Variants in UBR4 observed in about 807,000 individuals in gnomAD.
The protein encoded by UBR4 is ubiquitin protein ligase E3 component n-recognin 4.
Under a neutral mutation model 575.6 loss-of-function variants are expected in UBR4, and 124 were observed. That is an observed-to-expected ratio of 0.22 (90% CI 0.19 to 0.25). UBR4 has a LOEUF of 0.25. Among genes scored for constraint, UBR4 ranks in the 10% least tolerant of loss-of-function variants. The pLI is 1.00. For missense variants in UBR4, 4,818 were observed against 6,478.8 expected, an observed-to-expected ratio of 0.74 and a Z score of 8.80; for synonymous variants, 2,455 against 2,473.7, an observed-to-expected ratio of 0.99 and a Z score of 0.22.
Position 19,074,859 on chromosome 1 carries a change from C to T in UBR4, c.15525G>A (p.Leu5175=), listed in dbSNP as rs1462284553. ...AGGGGACTGAGTTCAACAGGTCCTTCAGGAAGCTCTCTGGATCGGTGATTT... is the reference window on the plus strand; with the variant it reads ...AGGGGACTGAGTTCAACAGGTCCTTTAGGAAGCTCTCTGGATCGGTGATTT... ...LSEITDPESF[L]KDLLNSVP The change falls in exon 106 of 106, where the codon CTG becomes CTA. Residue 5175 remains leucine (L), a synonymous_variant. Coordinates refer to ENST00000375254, the MANE Select transcript of UBR4 (RefSeq NM_020765.3). The T allele has an allele frequency of 6.2e-7, 1 of 1,614,098 alleles. No homozygotes were observed. Among genetic ancestry groups the T allele is most frequent in the Non-Finnish European group, 8.5e-7 (1 of 1,179,988 alleles).
chr1:19,192,431 C>G, intron 10 of UBR4, 50 bp downstream of exon 10: 1 of 1,614,156 alleles, frequency 6.2e-7, no homozygotes, highest in Non-Finnish European at 8.5e-7. Context: ...ATTTACATCT[C>G]AGAGAGGACA....
rs781261899 is a variant in UBR4 at position 19,176,646 on chromosome 1, G to A, written c.2719C>T (p.Leu907Phe). 2.5e-6 allele frequency: 4 copies of A among 1,614,072 alleles called. No individual in the cohort carries two copies. In the Admixed American group the frequency reaches 5.0e-5, roughly 20 times the overall value. The part of the protein sequence containing the change: ...DSNSRRATTP[L>F]YHGFKEVEEN... ...TCTACTTCTTTGAATCCATGATAGA[G>A]AGGAGTGGTTGCCCGGCGGCTGTTG... is the stretch of plus-strand genomic sequence containing the variant. Residue 907 changes from leucine (L) to phenylalanine (F), a missense_variant, in exon 20 of 106, where the codon CTC (leucine) becomes TTC (phenylalanine). Leu to Phe is a conservative substitution (Grantham distance 22). This residue lies in a region of UBR4 where 1,172 missense variants were observed against 1,259.7 expected (regional missense o/e 0.93). Coordinates refer to ENST00000375254, the MANE Select transcript of UBR4 (RefSeq NM_020765.3).
In UBR4 at chr1:19,139,343, C is replaced by A; in HGVS notation, c.8594-123G>T. 7.9e-7 allele frequency: 1 copy of A among 1,264,202 alleles called. No individual in the cohort carries two copies. The highest frequency in any genetic ancestry group is 2.2e-5 in the South Asian group (1 of 44,856). 78.3% of individuals were successfully genotyped at this position (1,264,202 alleles called of 1,614,324 possible). Reference sequence around the variant, plus strand: ...ACCACATAGTGCATAGGACACAATGCAGTTTATATATCCTGTCGTCAAAGA... The same window carrying A: ...ACCACATAGTGCATAGGACACAATGAAGTTTATATATCCTGTCGTCAAAGA... On this transcript the variant is annotated intron_variant, in intron 58 of 105. Transcript: ENST00000375254. This position sits in a 1 kb window ranked among gnomAD's most constrained non-coding sequence, Gnocchi z 4.2.
Position 19,155,432 on chromosome 1 carries a change from T to C in UBR4, c.6300+9A>G, listed in dbSNP as rs1373396436. The C allele has an allele frequency of 1.6e-5, 25 of 1,610,536 alleles. No homozygotes were observed. The highest frequency in any genetic ancestry group is 5.3e-5 in the African/African-American group (4 of 74,786). On this transcript the variant is annotated intron_variant, in intron 43 of 105. Coordinates refer to ENST00000375254, the MANE Select transcript of UBR4 (RefSeq NM_020765.3). ...CGGAATAGAAGGAAATAGCAACATG[T>C]GCTCTAACCTTCAGGTCCTCATGAT...
intron 87 of UBR4, among the ~76,000 whole-genome samples, chr1:19,102,636 A>G (rs1268793832): frequency 1.3e-5 from 2 of 152,186 alleles, no homozygotes; most frequent in Non-Finnish European, 2.9e-5. Flanking sequence ...ACTAAGAGAA[A>G]TCGGGAAGCC....
chr1:19,185,018 T>C (rs2091385396), intron 15 of UBR4, 81 bp downstream of exon 15: 1 of 1,549,728 alleles, frequency 6.5e-7, no homozygotes, highest in Non-Finnish European at 8.9e-7. Flanking sequence ...AGCCACAAAA[T>C]GTTTGCATTC....
Position 19,086,813 on chromosome 1 carries a change from C to G in UBR4, c.14553G>C (p.Lys4851Asn), listed in dbSNP as rs1381860001. 1 of 1,614,090 alleles carries G rather than the reference C, an allele frequency of 6.2e-7. No homozygotes were observed. Among genetic ancestry groups the G allele is most frequent in the South Asian group, 1.1e-5 (1 of 91,078 alleles). Residue 4851 changes from lysine to asparagine, a missense_variant, in exon 100 of 106, where the codon AAG (lysine) becomes AAC (asparagine). Coordinates refer to ENST00000375254, the MANE Select transcript of UBR4 (RefSeq NM_020765.3). ...TCGTGAAGGTATAAATGCCCAGGAC[C>G]TTTGTGGGCTGCAAAGACGACAACA... ...CREGYKFQPT[K>N]VLGIYTFTKR...
chr1:19,116,412 G>A (rs1345545494), intron 73 of UBR4, among the ~76,000 whole-genome samples: 1 of 152,178 alleles, frequency 6.6e-6, no homozygotes, highest in Non-Finnish European at 1.5e-5. Context: ...TCTACTTTCA[G>A]GTCACCAAGG....
intron 82 of UBR4, 22 bp from the exon 83 acceptor site, chr1:19,106,748 G>A (rs773655462): frequency 6.3e-7 from 1 of 1,596,810 alleles, no homozygotes; most frequent in South Asian, 1.1e-5. Context: ...AGGGTTGCAG[G>A]GGTAGTAGGT....
At chr1:19,165,089 G>T in intron 31 of UBR4, 92 bp from the exon 32 acceptor site, 1 of 1,547,514 alleles carries the variant, frequency 6.5e-7, no homozygotes, top group South Asian at 1.1e-5. Flanking sequence ...AGGGGAAATG[G>T]CTTCAAAGCA....
chr1:19,168,091 G>A lies in UBR4; in HGVS notation c.3835C>T (p.Pro1279Ser). Reference sequence around the variant, plus strand: ...GTATGCTTCAGGGAAGCAGCCAGGGGCAGACTTTGGCTACAGAGAGTCCCC... The same window carrying A: ...GTATGCTTCAGGGAAGCAGCCAGGGACAGACTTTGGCTACAGAGAGTCCCC... ...HLGTLCSQSL[P>S]LAASLKHTLL... The change falls in exon 28 of 106, where the codon CCC becomes TCC. Residue 1279 changes from proline (P) to serine (S), a missense_variant. This residue lies in a region of UBR4 where 1,172 missense variants were observed against 1,259.7 expected (regional missense o/e 0.93). Coordinates refer to ENST00000375254, the MANE Select transcript of UBR4 (RefSeq NM_020765.3). 2 of 1,613,736 alleles carry A rather than the reference G, an allele frequency of 1.2e-6. No individual in the cohort carries two copies. Among genetic ancestry groups the A allele is most frequent in the Non-Finnish European group, 1.7e-6 (2 of 1,179,708 alleles).
intron 8 of UBR4, among the ~76,000 whole-genome samples, chr1:19,194,057 T>C (rs1470189314): frequency 1.3e-5 from 2 of 152,146 alleles, no homozygotes; most frequent in Admixed American, 1.3e-4. Flanking sequence ...AAGGAATGAA[T>C]AGGCAAAGGG....
intron 81 of UBR4, 126 bp downstream of exon 81, chr1:19,109,970 T>C: frequency 7.1e-7 from 1 of 1,411,864 alleles, no homozygotes; most frequent in Non-Finnish European, 9.7e-7. Context: ...AAGGCTGCAC[T>C]GGAGCCTCTC....
At position 19,179,047 on chromosome 1, in the gene UBR4, T is replaced by A; in HGVS notation, c.2354+4A>T. Reference sequence around the variant, plus strand: ...CTATAGGCCTTCTCTTACAGACATCTTACCTGTCCCAAACTTTAAGGCATT... The same window carrying A: ...CTATAGGCCTTCTCTTACAGACATCATACCTGTCCCAAACTTTAAGGCATT... On this transcript the variant is annotated splice_donor_region_variant and intron_variant, in intron 18 of 105. Transcript: ENST00000375254. 1.2e-6 allele frequency: 2 copies of A among 1,612,576 alleles called. No individual in the cohort carries two copies. Among genetic ancestry groups the A allele is most frequent in the Non-Finnish European group, 1.7e-6 (2 of 1,179,580 alleles).
intron 84 of UBR4, among the ~76,000 whole-genome samples, chr1:19,105,415 T>G (rs901110443): frequency 8.5e-5 from 13 of 152,222 alleles, no homozygotes; most frequent in African/African-American, 3.1e-4. Flanking sequence ...CCACAGAATC[T>G]AAGCATTCAT....
chr1:19,095,090 T>C (rs997907119), intron 93 of UBR4, 65 bp from the exon 94 acceptor site: 3 of 1,611,402 alleles, frequency 1.9e-6, no homozygotes, highest in Non-Finnish European at 1.7e-6. Flanking sequence ...CTGAGGACAA[T>C]TGCTCTCAAG....
At position 19,161,147 on chromosome 1, in the gene UBR4, C is replaced by T; in HGVS notation, c.5176G>A (p.Ala1726Thr). Residue 1726 changes from alanine to threonine, a missense_variant and splice_region_variant, in exon 38 of 106, where the codon GCT becomes ACT. By Grantham distance (58) the Ala-to-Thr change is moderately conservative (BLOSUM62 0). Around this residue, in one of 29 missense-constraint regions of UBR4, gnomAD observed 159 missense variants for 174.6 expected, o/e 0.91. Transcript: ENST00000375254. Reference sequence around the variant, plus strand: ...CTGCTAGGAGTTCTCTTCACCAGAGCCTAGGGACAGAAAATGTCAGAGTCC... The same window carrying T: ...CTGCTAGGAGTTCTCTTCACCAGAGTCTAGGGACAGAAAATGTCAGAGTCC... ...CGAKEDGSCL[A>T]LVKRTPSSGM... is the part of the protein sequence containing the mutation. 1 of 1,613,712 alleles carries T rather than the reference C, an allele frequency of 6.2e-7. No homozygotes were observed. The highest frequency in any genetic ancestry group is 8.5e-7 in the Non-Finnish European group (1 of 1,179,852).
intron 104 of UBR4, among the ~76,000 whole-genome samples, chr1:19,077,509 G>C (rs977036392): frequency 6.6e-6 from 1 of 152,158 alleles, no homozygotes; most frequent in Non-Finnish European, 1.5e-5. Context: ...CAAGGCAGGC[G>C]GATCACCTGA....
intron 50 of UBR4, 71 bp from the exon 51 acceptor site, chr1:19,148,198 C>A (rs900152946): frequency 6.6e-7 from 1 of 1,516,842 alleles, no homozygotes; most frequent in East Asian, 2.3e-5. Context: ...CTACACTCTG[C>A]CTGCCCTTCC....
Sources: allele counts gnomAD v4.1 joint callset (sites outside exome capture counted in the v4.1 genomes callset), GRCh38; gene constraint gnomAD v4.1.1; regional missense constraint gnomAD v4.1.1; non-coding constraint Gnocchi (gnomAD v3.1); transcripts MANE v1.5; gene names NCBI Gene and HGNC (gene_info 2026-07-23, HGNC 2026-07-21).